Variants in CSMD1 observed in about 807,000 individuals in gnomAD.
The protein encoded by CSMD1 is CUB and sushi domain-containing protein 1.
A neutral mutation model predicts 417.5 loss-of-function variants in CSMD1; 213 were observed. The observed-to-expected ratio is 0.51, with a 90% CI of 0.46 to 0.57. CSMD1 has a LOEUF of 0.57. Ranked by LOEUF, CSMD1 falls within the 20% of genes least tolerant of loss-of-function variation. CSMD1 has a pLI of 0.00. For synonymous variants in CSMD1, 2,862 were observed against 1,736.8 expected, an observed-to-expected ratio of 1.65 and a Z score of -16.11; for missense variants, 6,923 against 4,529.7, an observed-to-expected ratio of 1.53 and a Z score of -15.17.
intron 1 of CSMD1, among the ~76,000 whole-genome samples, chr8:4,948,472 T>G (rs936280969): frequency 6.6e-6 from 1 of 152,066 alleles, no homozygotes; most frequent in Non-Finnish European, 1.5e-5. Context: ...GTAATCTTGA[T>G]GTCTGCATTT....
rs538435537 is a variant in CSMD1 at position 4,735,002 on chromosome 8, G to C, written c.86-97444C>G. 6.6e-5 allele frequency among the ~76,000 whole-genome samples: 10 copies of C among 152,340 alleles called. No homozygotes were observed. In the South Asian group the frequency reaches 1.7e-3, roughly 25 times the overall value. ...GGATGTTATAAGATGTTGCTGAGAA[G>C]TGCTCGGGTTGTTTGAAATCACATC... On this transcript the variant is annotated intron_variant, in intron 1 of 69. Transcript: ENST00000635120.
chr8:4,871,305 C>T (rs962169520), intron 1 of CSMD1, among the ~76,000 whole-genome samples: 1 of 152,090 alleles, frequency 6.6e-6, no homozygotes, highest in Admixed American at 6.5e-5. Flanking sequence ...CACTTCTTGC[C>T]TTCTTTCACG....
chr8:4,115,321 G>C (rs1014124693), intron 3 of CSMD1, among the ~76,000 whole-genome samples: 2 of 152,112 alleles, frequency 1.3e-5, no homozygotes, highest in African/African-American at 2.4e-5. Context: ...TAAAATTAAG[G>C]TATGTACACA....
chr8:3,775,196 G>C (rs1798833622), intron 5 of CSMD1, among the ~76,000 whole-genome samples: 1 of 152,170 alleles, frequency 6.6e-6, no homozygotes, highest in Non-Finnish European at 1.5e-5. Context: ...GTCCAAAAAA[G>C]AATTTTGAAA....
At chr8:3,889,269 TC>T (rs1806779281) in intron 5 of CSMD1, among the ~76,000 whole-genome samples, 1 of 151,608 alleles carries the variant, frequency 6.6e-6, no homozygotes, top group South Asian at 2.1e-4. Flanking sequence ...TAAATGTTTT[TC>T]TAGAAAGCCA....
At chr8:4,113,178 A>G (rs1008575122) in intron 3 of CSMD1, among the ~76,000 whole-genome samples, 2 of 152,072 alleles carry the variant, frequency 1.3e-5, no homozygotes, top group Non-Finnish European at 2.9e-5. Flanking sequence ...CTAGCCCCAG[A>G]GACACAACAA....
chr8:4,279,188 T>C (rs1796646975), intron 3 of CSMD1, among the ~76,000 whole-genome samples: 1 of 152,024 alleles, frequency 6.6e-6, no homozygotes, highest in African/African-American at 2.4e-5. Context: ...TCTGTCTCTG[T>C]AAACGCAGTA....
At chr8:4,908,214 G>T (rs921568178) in intron 1 of CSMD1, among the ~76,000 whole-genome samples, 4 of 152,104 alleles carry the variant, frequency 2.6e-5, no homozygotes, top group Non-Finnish European at 4.4e-5. Flanking sequence ...TTTCTGATAA[G>T]AAATTTGCTG....
At chr8:3,863,162 C>T (rs1804834954) in intron 5 of CSMD1, among the ~76,000 whole-genome samples, 1 of 152,006 alleles carries the variant, frequency 6.6e-6, no homozygotes, top group African/African-American at 2.4e-5. Flanking sequence ...TTTTGGGAGG[C>T]CAAGTCAAGG....
chr8:3,029,351 C>A lies in CSMD1; in HGVS notation c.7823G>T (p.Trp2608Leu). ...RLLRCQANGT[W>L]NIGDERPSCR... is the part of the protein sequence containing the mutation. ...GCTTGGCCTCTCATCTCCTATGTTC[C>A]ACGTCCCATTGGCCTGGCACCGCAG... is the stretch of plus-strand genomic sequence containing the variant. Residue 2608 changes from tryptophan (W) to leucine (L), a missense_variant, in exon 51 of 70, where the codon TGG (tryptophan) becomes TTG (leucine). Trp to Leu is a moderately conservative substitution (Grantham distance 61). Transcript: ENST00000635120. 1 of 1,610,524 alleles carries A rather than the reference C, an allele frequency of 6.2e-7. No homozygotes were observed. Among genetic ancestry groups the A allele is most frequent in the Non-Finnish European group, 8.5e-7 (1 of 1,179,236 alleles).
intron 7 of CSMD1, among the ~76,000 whole-genome samples, chr8:3,692,308 A>C (rs559646892): frequency 6.6e-6 from 1 of 152,288 alleles, no homozygotes; most frequent in South Asian, 2.1e-4. Flanking sequence ...ACTGAACTTC[A>C]AGTTATGACC....
intron 3 of CSMD1, among the ~76,000 whole-genome samples, chr8:4,077,721 C>G (rs569878053): frequency 2.0e-5 from 3 of 152,280 alleles, no homozygotes; most frequent in African/African-American, 7.2e-5. Context: ...TTACCATTCT[C>G]AAATTTGCTC....
At chr8:4,067,681 G>A (rs1045950882) in intron 3 of CSMD1, among the ~76,000 whole-genome samples, 1 of 152,120 alleles carries the variant, frequency 6.6e-6, no homozygotes, top group Non-Finnish European at 1.5e-5. Context: ...CACCTAACTT[G>A]TCCTGTGGAA....
At chr8:4,753,529 G>T (rs1030428900) in intron 1 of CSMD1, among the ~76,000 whole-genome samples, 1 of 151,348 alleles carries the variant, frequency 6.6e-6, no homozygotes, top group South Asian at 2.1e-4. Context: ...CTCGTTGCTC[G>T]GTATACTAAG....
chr8:3,204,498 A>G (rs555422840), intron 31 of CSMD1, among the ~76,000 whole-genome samples: 1 of 152,168 alleles, frequency 6.6e-6, no homozygotes, highest in African/African-American at 2.4e-5. Context: ...GGAATCCAGA[A>G]CCCATTTTAA....
rs556266052 is a variant in CSMD1 at position 3,290,113 on chromosome 8, G to A, written c.3951-5767C>T. On this transcript the variant is annotated intron_variant, in intron 25 of 69. Transcript: ENST00000635120. ...TTTCCCCATTGCTTGTTTTTGTCAG[G>A]TTTGTCAAAGATCAGATAGTTGTAG... is the stretch of plus-strand genomic sequence containing the variant. Among the ~76,000 whole-genome samples the A allele has an allele frequency of 2.0e-5, 3 of 146,778 alleles. No homozygotes were observed. The South Asian group carries it at 6.3e-4, about 31-fold the overall frequency.
intron 3 of CSMD1, among the ~76,000 whole-genome samples, chr8:4,418,443 G>C (rs191235388): frequency 6.6e-6 from 1 of 152,082 alleles, no homozygotes; most frequent in South Asian, 2.1e-4. Flanking sequence ...TTTCTCAACA[G>C]CGATGGAGTT....
intron 4 of CSMD1, among the ~76,000 whole-genome samples, chr8:4,028,203 T>A (rs1321711332): frequency 6.6e-6 from 1 of 152,218 alleles, no homozygotes; most frequent in African/African-American, 2.4e-5. Flanking sequence ...TATGAATTTC[T>A]CTAGGACAGA....
intron 6 of CSMD1, among the ~76,000 whole-genome samples, chr8:3,742,298 T>C (rs555755366): frequency 6.6e-6 from 1 of 152,312 alleles, no homozygotes; most frequent in Admixed American, 6.5e-5. Context: ...CATACAAATG[T>C]TTATGAAATC....
Sources: gnomAD v4.1 joint callset for allele counts (sites outside exome capture counted in the v4.1 genomes callset) on GRCh38, gnomAD v4.1.1 for gene constraint, MANE v1.5 for transcripts, NCBI Gene and HGNC (gene_info 2026-07-23, HGNC 2026-07-21) for gene names.